SLC5A4: variants seen among roughly 807,000 people sequenced by gnomAD.
The protein encoded by SLC5A4 is solute carrier family 5 member 4.
In SLC5A4, 55 loss-of-function variants were observed where a neutral mutation model predicts 70.3. The observed-to-expected ratio is 0.78, with a 90% CI of 0.63 to 0.98. The LOEUF (loss-of-function observed/expected upper bound fraction) is 0.98, where lower values mean the gene tolerates loss of function less well. Among genes scored for constraint, SLC5A4 ranks in the 50% least tolerant of loss-of-function variants. The pLI is 0.00. For synonymous variants in SLC5A4, 268 were observed against 305.7 expected (o/e 0.88, Z 1.29); for missense variants, 735 against 839.2 (o/e 0.88, Z 1.53).
chr22:32,330,973 TGG>T, the SLC5A4 span, among the ~76,000 whole-genome samples: 1 of 2,062 alleles, frequency 4.8e-4, no homozygotes, highest in African/African-American at 2.0e-3. Context: ...TTGGGGGCAC[TGG>T]TGTGTGTGTT....
chr22:32,218,610 T>C lies in SLC5A4; in HGVS notation c.1884A>G (p.Thr628=), dbSNP rs1199681294. The C allele has an allele frequency of 6.2e-7, 1 of 1,614,000 alleles. No individual in the cohort carries two copies. The highest frequency in any genetic ancestry group is 8.5e-7 in the Non-Finnish European group (1 of 1,179,962). Reference sequence around the variant, plus strand: ...TCCACGAGGGCCTCTCAGACGTGTCTGTGAGCTTCTTGCTCAAGGCTTCCT... The same window carrying C: ...TCCACGAGGGCCTCTCAGACGTGTCCGTGAGCTTCTTGCTCAAGGCTTCCT... ...EEEEALSKKL[T]DTSERPSWRT... Residue 628 remains threonine (T), a synonymous_variant, in exon 15 of 15, where the codon ACA becomes ACG. Transcript: ENST00000266086.
the SLC5A4 span, among the ~76,000 whole-genome samples, chr22:32,299,239 C>T: frequency 6.8e-6 from 1 of 147,778 alleles, no homozygotes; most frequent in Admixed American, 6.8e-5. Context: ...GGATAATATC[C>T]TGCAGAGTGT....
At chr22:32,223,560 C>A (rs1925210122) in intron 13 of SLC5A4, among the ~76,000 whole-genome samples, 1 of 152,098 alleles carries the variant, frequency 6.6e-6, no homozygotes, top group African/African-American at 2.4e-5. Flanking sequence ...TACTTTCCCC[C>A]CATCTCTGTG....
chr22:32,218,646 G>T lies in SLC5A4; in HGVS notation c.1848C>A (p.Thr616=). The change falls in exon 15 of 15, where the codon ACC becomes ACA. Residue 616 remains threonine (T), a synonymous_variant. Transcript: ENST00000266086. The stretch of plus-strand genomic sequence containing the variant: ...TGCTCAAGGCTTCCTCCTCCTCCTT[G>T]GTTAGCTTGGGTCCCTTCTGCAAAC... ...FCGLQKGPKL[T]KEEEEALSKK... 1 of 1,613,876 alleles carries T rather than the reference G, an allele frequency of 6.2e-7. No individual in the cohort carries two copies. The highest frequency in any genetic ancestry group is 2.2e-5 in the East Asian group (1 of 44,848).
chr22:32,224,462 C>T lies in SLC5A4; in HGVS notation c.1470G>A (p.Met490Ile), dbSNP rs192258717. ...GAATGAGGCCCATTGCAAGTCCAAC[C>T]ATTAGACCCCAGAATGCTCCCTGCA... The part of the protein sequence containing the change: ...VNEQGAFWGL[M>I]VGLAMGLIRM... The change falls in exon 13 of 15, where the codon ATG (methionine) becomes ATA (isoleucine). Residue 490 changes from methionine (M) to isoleucine (I), a missense_variant. Transcript: ENST00000266086. 15 of 1,613,710 alleles carry T rather than the reference C, an allele frequency of 9.3e-6. No homozygotes were observed. In the Admixed American group the frequency reaches 2.2e-4, roughly 23 times the overall value.
At chr22:32,324,830 C>T in the SLC5A4 span, among the ~76,000 whole-genome samples, 1 of 152,236 alleles carries the variant, frequency 6.6e-6, no homozygotes, top group African/African-American at 2.4e-5. Flanking sequence ...CCTGTGGACA[C>T]AGCCCAGCCC....
At chr22:32,258,200 G>A (rs899615449), upstream of SLC5A4, among the ~76,000 whole-genome samples, 1 of 152,188 alleles carries the variant, frequency 6.6e-6, no homozygotes, top group Non-Finnish European at 1.5e-5. Context: ...TGTTGGCCAG[G>A]CTGGTCCTGA....
At chr22:32,250,879 T>G (rs1927099796) in intron 3 of SLC5A4, among the ~76,000 whole-genome samples, 1 of 151,818 alleles carries the variant, frequency 6.6e-6, no homozygotes, top group African/African-American at 2.4e-5. Flanking sequence ...CACCACATGT[T>G]CTCATTCATA....
At chr22:32,323,751 C>G in the SLC5A4 span, among the ~76,000 whole-genome samples, 1 of 152,216 alleles carries the variant, frequency 6.6e-6, no homozygotes, top group Non-Finnish European at 1.5e-5. Flanking sequence ...CCCTTTTAAG[C>G]TGCTCAGTTC....
At position 32,233,837 on chromosome 22, in the gene SLC5A4, A is replaced by T. The variant is rs149404038; in HGVS notation, c.886-803T>A. Among the ~76,000 whole-genome samples, 228 of 151,614 alleles carry T rather than the reference A, an allele frequency of 1.5e-3. 2 individuals are homozygous for T. The highest frequency in any genetic ancestry group is 3.7e-3 in the Admixed American group (56 of 15,188). On this transcript the variant is annotated intron_variant, in intron 8 of 14. Coordinates refer to ENST00000266086, the MANE Select transcript of SLC5A4 (RefSeq NM_014227.3). ...TTTTTAAAAAAGGAAGAAAACAAGA[A>T]TTAAAATTATTAATTCCAGGAACCA...
At position 32,234,901 on chromosome 22, in the gene SLC5A4, G is replaced by A. The variant is rs1474864025; in HGVS notation, c.857C>T (p.Thr286Ile). 5 of 1,612,264 alleles carry A rather than the reference G, an allele frequency of 3.1e-6. No homozygotes were observed. The highest frequency in any genetic ancestry group is 3.6e-4 in the Middle Eastern group (2 of 5,548). ...WPGIIFGMPITALWYWCTNQV... is the reference protein window; with the variant it reads ...WPGIIFGMPIIALWYWCTNQV... ...ATTTGTGCACCAGTACCACAAAGCT[G>A]TAATGGGCATTCCAAATATAATTCC... is the stretch of plus-strand genomic sequence containing the variant. The change falls in exon 8 of 15, where the codon ACA becomes ATA. Residue 286 changes from threonine (T) to isoleucine (I), a missense_variant. Physicochemically the swap from Thr to Ile is moderately conservative, Grantham distance 89. Transcript: ENST00000266086.
At chr22:32,340,264 CTACTGT>C in the SLC5A4 span, among the ~76,000 whole-genome samples, 1 of 152,168 alleles carries the variant, frequency 6.6e-6, no homozygotes, top group South Asian at 2.1e-4. Flanking sequence ...CAAATGGGAG[CTACTGT>C]TACTAACGGT....
At chr22:32,351,190 T>A in the SLC5A4 span, among the ~76,000 whole-genome samples, 1 of 152,188 alleles carries the variant, frequency 6.6e-6, no homozygotes, top group Non-Finnish European at 1.5e-5. Context: ...TGGAACTTAT[T>A]ACCTCCATGC....
chr22:32,227,367 C>T (rs1925465079), intron 11 of SLC5A4, among the ~76,000 whole-genome samples: 1 of 152,222 alleles, frequency 6.6e-6, no homozygotes, highest in Admixed American at 6.5e-5. Flanking sequence ...CCCTACTGTA[C>T]TCCCTCTCCT....
rs997366064 is a variant in SLC5A4, at chr22:32,241,835, ATATC to A, written c.478-2749_478-2746del. Among the ~76,000 whole-genome samples the A allele has an allele frequency of 4.6e-4, 60 of 130,568 alleles. 2 individuals carry two copies. The highest frequency in any genetic ancestry group is 3.2e-5 in the Non-Finnish European group (2 of 62,668). The allele number at this position is 130,568 out of a possible 152,430, so 85.7% of individuals were successfully genotyped here. On this transcript the variant is annotated intron_variant, in intron 5 of 14. Transcript: ENST00000266086. Reference sequence around the variant, plus strand: ...TATCTGTATGTGTGTGTGTATATATATATCTGTGTGTGTGTGTGTGTGTGTGTAT... The same window carrying A: ...TATCTGTATGTGTGTGTGTATATATATGTGTGTGTGTGTGTGTGTGTGTAT...
chr22:32,340,219 A>G, the SLC5A4 span, among the ~76,000 whole-genome samples: 11 of 152,172 alleles, frequency 7.2e-5, no homozygotes, highest in Non-Finnish European at 1.3e-4. Context: ...AAATGGCACA[A>G]TTTGTTACAG....
chr22:32,352,995 G>A, the SLC5A4 span, among the ~76,000 whole-genome samples: 1 of 152,230 alleles, frequency 6.6e-6, no homozygotes, highest in African/African-American at 2.4e-5. Flanking sequence ...AAACAACTGG[G>A]CAGGCAAAGC....
the SLC5A4 span, among the ~76,000 whole-genome samples, chr22:32,336,466 G>A: frequency 2.0e-3 from 298 of 152,332 alleles, 1 homozygote; most frequent in African/African-American, 5.6e-3. Context: ...GTGGAGCCAC[G>A]CGGGTCTCTT....
At chr22:32,331,109 T>TG in the SLC5A4 span, among the ~76,000 whole-genome samples, 2 of 115,234 alleles carry the variant, frequency 1.7e-5, no homozygotes, top group African/African-American at 3.5e-5. Flanking sequence ...TTGGAGGCTC[T>TG]TGTGTGTGTT....
Sources: gnomAD v4.1 joint callset for allele counts (sites outside exome capture counted in the v4.1 genomes callset) on GRCh38, gnomAD v4.1.1 for gene constraint, MANE v1.5 for transcripts, NCBI Gene and HGNC (gene_info 2026-07-23, HGNC 2026-07-21) for gene names.